PIP5K1A: variants seen among roughly 807,000 people sequenced by gnomAD.
PIP5K1A encodes phosphatidylinositol 4-phosphate 5-kinase type-1 alpha.
PIP5K1A carries 46 observed loss-of-function variants against 72.9 expected under a neutral mutation model. The observed-to-expected ratio is 0.63, with a 90% confidence interval of 0.50 to 0.81. The LOEUF (loss-of-function observed/expected upper bound fraction) is 0.81, where lower values mean the gene tolerates loss of function less well. PIP5K1A is among the 30% of genes least tolerant of loss of function. The probability of loss-of-function intolerance (pLI) is 0.00; values close to 1 mark genes in which losing one functional copy is unlikely to be tolerated. For synonymous variants in PIP5K1A, 228 were observed against 255.1 expected (o/e 0.89, Z 1.01); for missense variants, 458 against 706.1 (o/e 0.65, Z 3.98).
intron 3 of PIP5K1A, among the ~76,000 whole-genome samples, chr1:151,226,028 C>G (rs1689072284): frequency 6.6e-6 from 1 of 151,690 alleles, no homozygotes; most frequent in Non-Finnish European, 1.5e-5. Flanking sequence ...ATCTTCCCCA[C>G]TTGGCCTTCT....
chr1:151,208,801 C>T (rs1280637940), intron 1 of PIP5K1A, among the ~76,000 whole-genome samples: 4 of 123,234 alleles, frequency 3.2e-5, no homozygotes, highest in Admixed American at 2.2e-4. Flanking sequence ...GGTGCAATCT[C>T]GGCTGACTGC....
At chr1:151,229,850 G>A (rs1213026413) in intron 4 of PIP5K1A, among the ~76,000 whole-genome samples, 7 of 151,932 alleles carry the variant, frequency 4.6e-5, no homozygotes, top group East Asian at 1.9e-4. Context: ...TTGGGAGGCC[G>A]AGGCAGGTGG....
At chr1:151,197,996 T>G (rs1365598855), upstream of PIP5K1A, 1 of 466,648 alleles carries the variant, frequency 2.1e-6, no homozygotes, top group Non-Finnish European at 4.4e-6. Context: ...CGTGCCCTTT[T>G]TTGACAGGTC....
rs375093897 is a variant in PIP5K1A, at chr1:151,242,439, C to T, written c.1512C>T (p.Gly504=). Residue 504 remains glycine, a splice_region_variant and synonymous_variant, in exon 14 of 16, where the codon GGC becomes GGT. Transcript: ENST00000368888. ...QVTTKAEVEP[G]VHLGRPDVLP... is the part of the protein sequence containing the mutation. ...CCATCTTCTCTATCTTTTTTCCAGGCGTTCACCTTGGTCGTCCTGATGTTT... is the reference window on the plus strand; with the variant it reads ...CCATCTTCTCTATCTTTTTTCCAGGTGTTCACCTTGGTCGTCCTGATGTTT... 8.1e-6 allele frequency: 13 copies of T among 1,613,496 alleles called. No individual in the cohort carries two copies. The highest frequency in any genetic ancestry group is 2.7e-5 in the African/African-American group (2 of 74,856).
At chr1:151,200,018 C>T (rs1270469304) in intron 1 of PIP5K1A, among the ~76,000 whole-genome samples, 1 of 152,024 alleles carries the variant, frequency 6.6e-6, no homozygotes, top group Non-Finnish European at 1.5e-5. Flanking sequence ...CAACTCTAAA[C>T]TGCCCAACTT....
At chr1:151,196,880 G>A (rs1399213924), upstream of PIP5K1A, among the ~76,000 whole-genome samples, 1 of 119,820 alleles carries the variant, frequency 8.3e-6, no homozygotes, top group Admixed American at 9.1e-5. Flanking sequence ...TTTTTTTTGA[G>A]ACTGAGTTTC....
At chr1:151,217,087 A>G (rs1558255858) in intron 1 of PIP5K1A, among the ~76,000 whole-genome samples, 1 of 151,850 alleles carries the variant, frequency 6.6e-6, no homozygotes, top group East Asian at 1.9e-4. Context: ...TAATTTTTGT[A>G]TTTTTAGTAG....
intron 12 of PIP5K1A, among the ~76,000 whole-genome samples, chr1:151,241,569 G>A (rs1364805686): frequency 1.3e-5 from 2 of 151,994 alleles, no homozygotes; most frequent in East Asian, 3.9e-4. Context: ...GGGAGGCCTA[G>A]GTGGGCGGAC....
chr1:151,245,167 A>G (rs1422801685), intron 14 of PIP5K1A, among the ~76,000 whole-genome samples: 6 of 152,152 alleles, frequency 3.9e-5, no homozygotes, highest in African/African-American at 1.4e-4. Flanking sequence ...ATATTTTATT[A>G]TAAGCATCAA....
intron 1 of PIP5K1A, among the ~76,000 whole-genome samples, chr1:151,215,043 T>TTTTTTTTG: frequency 6.7e-6 from 1 of 150,032 alleles, no homozygotes; most frequent in Non-Finnish European, 1.5e-5. Context: ...TTTTTTTTTT[T>TTTTTTTTG]TTTTGAGATG....
chr1:151,209,489 G>T (rs1266423671), intron 1 of PIP5K1A, among the ~76,000 whole-genome samples: 1 of 149,902 alleles, frequency 6.7e-6, no homozygotes, highest in Non-Finnish European at 1.5e-5. Context: ...GCCCAGGCTG[G>T]AGTGCAATGG....
chr1:151,219,584 C>G (rs1191203139), intron 1 of PIP5K1A, among the ~76,000 whole-genome samples: 2 of 151,716 alleles, frequency 1.3e-5, no homozygotes, highest in African/African-American at 4.8e-5. Context: ...ATCCCAGCTA[C>G]TCGGGAGGCT....
chr1:151,227,903 T>C (rs1570915576), intron 4 of PIP5K1A, among the ~76,000 whole-genome samples: 1 of 151,962 alleles, frequency 6.6e-6, no homozygotes, highest in Non-Finnish European at 1.5e-5. Flanking sequence ...GAAAAAAAAA[T>C]TAGTGAACAA....
intron 11 of PIP5K1A, 75 bp downstream of exon 11, chr1:151,239,253 C>G (rs965144359): frequency 7.5e-6 from 7 of 938,336 alleles, no homozygotes; most frequent in African/African-American, 6.8e-5. Context: ...CAGTTTCTTG[C>G]AATTTTTTCT....
At chr1:151,210,702 C>T (rs1049017336) in intron 1 of PIP5K1A, among the ~76,000 whole-genome samples, 8 of 152,132 alleles carry the variant, frequency 5.3e-5, no homozygotes, top group African/African-American at 1.9e-4. Context: ...TCTCCTGCCT[C>T]AGCCTCCCGA....
chr1:151,238,439 C>T, intron 10 of PIP5K1A, 174 bp downstream of exon 10: 1 of 584,360 alleles, frequency 1.7e-6, no homozygotes, highest in East Asian at 3.0e-5. Flanking sequence ...TTGCCTCTTT[C>T]CCCGGCCTTT....
chr1:151,205,472 CCT>C (rs1309010385), intron 1 of PIP5K1A, among the ~76,000 whole-genome samples: 2 of 151,868 alleles, frequency 1.3e-5, no homozygotes, highest in African/African-American at 2.4e-5. Context: ...TACTGCCCGG[CCT>C]CTCTCCTAGA....
chr1:151,228,451 C>T (rs186857709), intron 4 of PIP5K1A, among the ~76,000 whole-genome samples: 3 of 152,274 alleles, frequency 2.0e-5, no homozygotes, highest in Admixed American at 1.3e-4. Flanking sequence ...TGTCTCACCC[C>T]CTTTTCCTCC....
At chr1:151,222,943 T>A (rs1463272077) in intron 1 of PIP5K1A, among the ~76,000 whole-genome samples, 1 of 152,154 alleles carries the variant, frequency 6.6e-6, no homozygotes, top group Non-Finnish European at 1.5e-5. Context: ...TGGCCAGGCA[T>A]GGTGGCTCAT....
Sources: gnomAD v4.1 joint callset for allele counts (sites outside exome capture counted in the v4.1 genomes callset) on GRCh38, gnomAD v4.1.1 for gene constraint, MANE v1.5 for transcripts, NCBI Gene and HGNC (gene_info 2026-07-23, HGNC 2026-07-21) for gene names.